UPF2: variants seen among roughly 807,000 people sequenced by gnomAD.
UPF2 encodes regulator of nonsense transcripts 2.
In UPF2, 17 loss-of-function variants were observed where a neutral mutation model predicts 141.4. That is an observed-to-expected ratio of 0.12 (90% CI 0.08 to 0.18). UPF2 has a LOEUF of 0.18. Among genes scored for constraint, UPF2 ranks in the 10% least tolerant of loss-of-function variants. The probability of loss-of-function intolerance (pLI) is 1.00; values close to 1 mark genes in which losing one functional copy is unlikely to be tolerated. For missense variants in UPF2, 1,152 were observed against 1,515.9 expected (o/e 0.76, Z 3.99); for synonymous variants, 540 against 498.0 (o/e 1.08, Z -1.12).
rs1445416018 is a variant in UPF2, at chr10:11,920,464, G to C, written c.*834C>G. ...AACAAAATATTCTCATCCACTTCTTGTTGTCCTTCGTTCGTTTTCTGTGAC... is the reference window on the plus strand; with the variant it reads ...AACAAAATATTCTCATCCACTTCTTCTTGTCCTTCGTTCGTTTTCTGTGAC... On this transcript the variant is annotated 3_prime_UTR_variant, in exon 22 of 22. Transcript: ENST00000357604. The C allele has an allele frequency of 6.6e-6, 1 of 152,570 alleles. No homozygotes were observed. The highest frequency in any genetic ancestry group is 2.1e-4 in the South Asian group (1 of 4,848). The allele number at this position is 152,570 out of a possible 1,614,324, so 9.5% of individuals were successfully genotyped here.
Position 11,992,204 on chromosome 10 carries a change from T to C in UPF2, c.1844+5468A>G, listed in dbSNP as rs1833791743. Among the ~76,000 whole-genome samples the C allele has an allele frequency of 6.6e-6, 1 of 152,008 alleles. No individual in the cohort carries two copies. Among genetic ancestry groups the C allele is most frequent in the African/African-American group, 2.4e-5 (1 of 41,374 alleles). ...GGCATTAGAGCAAGAAATTTTAATATAAATGTTTTATTCCCTATCAGGATA... is the reference window on the plus strand; with the variant it reads ...GGCATTAGAGCAAGAAATTTTAATACAAATGTTTTATTCCCTATCAGGATA... On this transcript the variant is annotated intron_variant, in intron 8 of 21. Coordinates refer to ENST00000357604, the MANE Select transcript of UPF2 (RefSeq NM_015542.4). The surrounding 1 kb of genome is among the most constrained non-coding windows in gnomAD (Gnocchi z 4.1).
At chr10:12,030,543 A>AAAT (rs141050401) in intron 2 of UPF2, among the ~76,000 whole-genome samples, 35,218 of 148,784 alleles carry the variant, frequency 0.24, 4,892 homozygotes, top group East Asian at 0.45. Flanking sequence ...CTGCCTCAAA[A>AAAT]AATAATAATA....
intron 18 of UPF2, among the ~76,000 whole-genome samples, chr10:11,937,391 T>C (rs1288043440): frequency 2.0e-5 from 3 of 152,208 alleles, no homozygotes; most frequent in Non-Finnish European, 4.4e-5. Flanking sequence ...TGATACATCA[T>C]AGGTGTACAG....
At chr10:11,987,667 C>T (rs1042845359) in intron 8 of UPF2, among the ~76,000 whole-genome samples, 3 of 138,136 alleles carry the variant, frequency 2.2e-5, no homozygotes, top group East Asian at 2.4e-4. Context: ...GAGGCTGAGG[C>T]GGGAGAATCA....
intron 8 of UPF2, among the ~76,000 whole-genome samples, chr10:11,994,012 T>G (rs551735564): frequency 6.6e-6 from 1 of 151,894 alleles, no homozygotes; most frequent in South Asian, 2.1e-4. Context: ...CCAAGAGACA[T>G]GGCTTAAACT....
At chr10:11,986,439 T>A (rs976430525) in intron 8 of UPF2, among the ~76,000 whole-genome samples, 17 of 152,166 alleles carry the variant, frequency 1.1e-4, no homozygotes, top group African/African-American at 3.9e-4. Context: ...CTTTTGTTAT[T>A]GAGAGGGAAA....
At chr10:11,934,806 T>C (rs1342965019) in intron 19 of UPF2, among the ~76,000 whole-genome samples, 10 of 152,146 alleles carry the variant, frequency 6.6e-5, no homozygotes, top group African/African-American at 2.4e-4. Flanking sequence ...GTCAGGCTGG[T>C]CTTGAATCCC....
At position 12,035,384 on chromosome 10, in the gene UPF2, T is replaced by C. The variant is rs1834607386; in HGVS notation, c.40A>G (p.Lys14Glu). Reference sequence around the variant, plus strand: ...TCCTTGTTGTTTGGTAAAGAGTCTTTTTCTTCCATACTTGCTGGCTTTTTA... The same window carrying C: ...TCCTTGTTGTTTGGTAAAGAGTCTTCTTCTTCCATACTTGCTGGCTTTTTA... ...ERKKPASMEE[K>E]DSLPNNKEKD... The change falls in exon 2 of 22, where the codon AAA (lysine) becomes GAA (glutamate). Residue 14 changes from lysine (K) to glutamate (E), a missense_variant. Physicochemically the swap from Lys to Glu is moderately conservative, Grantham distance 56 (BLOSUM62 1). Coordinates refer to ENST00000357604, the MANE Select transcript of UPF2 (RefSeq NM_015542.4). 7 of 1,596,622 alleles carry C rather than the reference T, an allele frequency of 4.4e-6. No individual in the cohort carries two copies. Among genetic ancestry groups the C allele is most frequent in the Admixed American group, 1.8e-5 (1 of 54,332 alleles).
intron 3 of UPF2, among the ~76,000 whole-genome samples, chr10:12,015,257 T>C (rs1015861114): frequency 6.6e-6 from 1 of 152,122 alleles, no homozygotes; most frequent in African/African-American, 2.4e-5. Flanking sequence ...GAAAACGAGG[T>C]TTTCTGTAAT....
At chr10:11,978,284 C>T (rs752068132) in intron 9 of UPF2, among the ~76,000 whole-genome samples, 3 of 152,192 alleles carry the variant, frequency 2.0e-5, no homozygotes, top group African/African-American at 2.4e-5. Flanking sequence ...TATGATAAAG[C>T]GAAGTTTTGT....
rs1477685390 is a variant in UPF2, at chr10:12,035,252, T to C, written c.172A>G (p.Lys58Glu). The C allele has an allele frequency of 6.2e-7, 1 of 1,614,024 alleles. No individual in the cohort carries two copies. The highest frequency in any genetic ancestry group is 8.5e-7 in the Non-Finnish European group (1 of 1,180,022). Residue 58 changes from lysine to glutamate, a missense_variant, in exon 2 of 22, where the codon AAG becomes GAG. Around this residue, in one of 4 missense-constraint regions of UPF2, gnomAD observed 145 missense variants for 136.5 expected, o/e 1.06. Transcript: ENST00000357604. ...EVSKAPEDKK[K>E]RLEDDKRKKE... The stretch of plus-strand genomic sequence containing the variant: ...TTTCTCTTATCATCTTCCAGTCTCT[T>C]CTTCTTGTCTTCAGGGGCCTTGCTG...
At position 12,029,210 on chromosome 10, in the gene UPF2, G is replaced by A; in HGVS notation, c.680C>T (p.Ser227Phe). 2 of 1,614,202 alleles carry A rather than the reference G, an allele frequency of 1.2e-6. No individual in the cohort carries two copies. Among genetic ancestry groups the A allele is most frequent in the Non-Finnish European group, 8.5e-7 (1 of 1,180,042 alleles). ...SDVNCAVHLC[S>F]LFHQRYADFA... Reference sequence around the variant, plus strand: ...GTCAGCATAACGCTGGTGAAAGAGAGAGCAGAGGTGCACAGCACAGTTCAC... The same window carrying A: ...GTCAGCATAACGCTGGTGAAAGAGAAAGCAGAGGTGCACAGCACAGTTCAC... Residue 227 changes from serine (S) to phenylalanine (F), a missense_variant, in exon 3 of 22, where the codon TCT becomes TTT. Around this residue, in one of 4 missense-constraint regions of UPF2, gnomAD observed 739 missense variants for 1,032.2 expected, o/e 0.72. Coordinates refer to ENST00000357604, the MANE Select transcript of UPF2 (RefSeq NM_015542.4).
intron 8 of UPF2, among the ~76,000 whole-genome samples, chr10:11,996,948 ATC>A (rs931240051): frequency 6.6e-6 from 1 of 152,196 alleles, no homozygotes; most frequent in African/African-American, 2.4e-5. Flanking sequence ...TGGGGAGAGT[ATC>A]TGTCTGAGCT....
rs58106776 is a variant in UPF2, at chr10:11,938,853, G to GTTTTTTTTTTTTTTTTTTTTTTTTTTTTT, written c.3379-2170_3379-2142dup. Among the ~76,000 whole-genome samples, 4 of 79,818 alleles carry GTTTTTTTTTTTTTTTTTTTTTTTTTTTTT rather than the reference G, an allele frequency of 5.0e-5. 1 individual carries two copies. The highest frequency in any genetic ancestry group is 4.7e-5 in the Non-Finnish European group (2 of 42,778). 52.4% of individuals were successfully genotyped at this position (79,818 alleles called of 152,430 possible). On this transcript the variant is annotated intron_variant, in intron 18 of 21. Coordinates refer to ENST00000357604, the MANE Select transcript of UPF2 (RefSeq NM_015542.4). Reference sequence around the variant, plus strand: ...GTGGTCTTAAGCAAGTTTTTTTTTTGTTTTTTTTTTTTTTTTTTTTTTTTT... The same window carrying GTTTTTTTTTTTTTTTTTTTTTTTTTTTTT: ...GTGGTCTTAAGCAAGTTTTTTTTTTGTTTTTTTTTTTTTTTTTTTTTTTTTTTTTTTTTTTTTTTTTTTTTTTTTTTTTT...
chr10:12,035,095 T>C lies in UPF2; in HGVS notation c.329A>G (p.Lys110Arg). 2 of 1,582,316 alleles carry C rather than the reference T, an allele frequency of 1.3e-6. No homozygotes were observed. The highest frequency in any genetic ancestry group is 1.7e-6 in the Non-Finnish European group (2 of 1,172,492). Residue 110 changes from lysine (K) to arginine (R), a missense_variant, in exon 2 of 22, where the codon AAA (lysine) becomes AGA (arginine). Transcript: ENST00000357604. ...AGCTGCTTCTTCTTCTTGCTGACGTTTGGCCTGCTCTTCTTGCTTCTTTCT... is the reference window on the plus strand; with the variant it reads ...AGCTGCTTCTTCTTCTTGCTGACGTCTGGCCTGCTCTTCTTGCTTCTTTCT... Reference protein sequence around the residue: ...EERKKQEEQAKRQQEEEAAAQ... With the variant: ...EERKKQEEQARRQQEEEAAAQ...
rs1832855728 is a variant in UPF2, at chr10:11,936,705, C to T, written c.3386G>A (p.Ser1129Asn). Residue 1129 changes from serine to asparagine, a missense_variant, in exon 19 of 22, where the codon AGT becomes AAT. By Grantham distance (46) the Ser-to-Asn change is conservative. This residue lies in a region of UPF2 where 202 missense variants were observed against 223.6 expected (regional missense o/e 0.90). Coordinates refer to ENST00000357604, the MANE Select transcript of UPF2 (RefSeq NM_015542.4). This position sits in a 1 kb window ranked among gnomAD's most constrained non-coding sequence, Gnocchi z 6.6. ...KMMLENLQQR[S>N]GESVKVHQLD... ...TTGGTGCACTTTAACAGATTCACCACTTCGTTGCTAAAAGAAATTAAAAAG... is the reference window on the plus strand; with the variant it reads ...TTGGTGCACTTTAACAGATTCACCATTTCGTTGCTAAAAGAAATTAAAAAG... 6.2e-7 allele frequency: 1 copy of T among 1,602,778 alleles called. No homozygotes were observed. The highest frequency in any genetic ancestry group is 1.3e-5 in the African/African-American group (1 of 74,398).
intron 3 of UPF2, among the ~76,000 whole-genome samples, chr10:12,015,587 A>T (rs1036734323): frequency 6.6e-6 from 1 of 152,254 alleles, no homozygotes; most frequent in East Asian, 1.9e-4. Flanking sequence ...CTGTAATCCC[A>T]GTTACTCAGG....
chr10:12,039,125 G>A lies in UPF2; in HGVS notation c.-19+3630C>T, dbSNP rs939991428. Among the ~76,000 whole-genome samples the A allele has an allele frequency of 6.6e-5, 10 of 152,100 alleles. 1 individual carries two copies. Among genetic ancestry groups the A allele is most frequent in the Middle Eastern group, 6.8e-3 (2 of 294 alleles). Reference sequence around the variant, plus strand: ...CATGGTACCATACTAAACATTTTACGTATATTATCTCATTTAATACTAAAA... The same window carrying A: ...CATGGTACCATACTAAACATTTTACATATATTATCTCATTTAATACTAAAA... On this transcript the variant is annotated intron_variant, in intron 1 of 21. Transcript: ENST00000357604.
intron 18 of UPF2, among the ~76,000 whole-genome samples, chr10:11,938,983 C>T (rs1832902038): frequency 6.8e-6 from 1 of 147,308 alleles, no homozygotes; most frequent in Non-Finnish European, 1.5e-5. Flanking sequence ...AGCGATTATC[C>T]TGTCTCAGCC....
Sources: allele counts gnomAD v4.1 joint callset (sites outside exome capture counted in the v4.1 genomes callset), GRCh38; gene constraint gnomAD v4.1.1; regional missense constraint gnomAD v4.1.1; non-coding constraint Gnocchi (gnomAD v3.1); transcripts MANE v1.5; gene names NCBI Gene and HGNC (gene_info 2026-07-23, HGNC 2026-07-21).